CPEB3: variants seen among roughly 807,000 people sequenced by gnomAD.
The protein encoded by CPEB3 is cytoplasmic polyadenylation element binding protein 3.
CPEB3 carries 20 observed loss-of-function variants against 67.2 expected under a neutral mutation model. The observed-to-expected ratio is 0.30, with a 90% CI of 0.21 to 0.43. The LOEUF (loss-of-function observed/expected upper bound fraction) is 0.43. Ranked by LOEUF, CPEB3 falls within the 20% of genes least tolerant of loss-of-function variation. The pLI is 1.00. For missense variants in CPEB3, 746 were observed against 968.6 expected, an observed-to-expected ratio of 0.77 and a Z score of 3.05; for synonymous variants, 376 against 393.1, an observed-to-expected ratio of 0.96 and a Z score of 0.51.
At chr10:92,151,416 A>G (rs1846962791) in intron 4 of CPEB3, among the ~76,000 whole-genome samples, 1 of 152,168 alleles carries the variant, frequency 6.6e-6, no homozygotes, top group African/African-American at 2.4e-5. Flanking sequence ...ATACATACAT[A>G]TTCCCTAGAA....
At chr10:92,200,683 G>A (rs931261925) in intron 2 of CPEB3, among the ~76,000 whole-genome samples, 3 of 151,414 alleles carry the variant, frequency 2.0e-5, no homozygotes, top group African/African-American at 7.3e-5. Flanking sequence ...TGTGTAACAG[G>A]AAACCAAGCT....
At chr10:92,262,906 A>G (rs1283480420) in intron 1 of CPEB3, among the ~76,000 whole-genome samples, 1 of 151,564 alleles carries the variant, frequency 6.6e-6, no homozygotes, top group Non-Finnish European at 1.5e-5. Flanking sequence ...TGCAGTCTTG[A>G]CTCCAAGGCT....
intron 2 of CPEB3, among the ~76,000 whole-genome samples, chr10:92,221,458 A>G (rs1323225415): frequency 6.6e-6 from 1 of 152,162 alleles, no homozygotes; most frequent in Non-Finnish European, 1.5e-5. Context: ...ACGCCAGTGC[A>G]CTCCAGCCTG....
chr10:92,205,768 G>A (rs557192954), intron 2 of CPEB3, among the ~76,000 whole-genome samples: 41 of 151,936 alleles, frequency 2.7e-4, no homozygotes, highest in African/African-American at 7.7e-4. Context: ...GAGCCACTGC[G>A]CCCAGCCTAA....
chr10:92,283,528 T>C (rs11186894), intron 1 of CPEB3, among the ~76,000 whole-genome samples: 33,713 of 151,942 alleles, frequency 0.22, 4,701 homozygotes, highest in Middle Eastern at 0.34. Flanking sequence ...ACCTATGTTA[T>C]CTTTGCAGAG....
At chr10:92,236,514 G>A (rs139146219) in intron 2 of CPEB3, among the ~76,000 whole-genome samples, 2,212 of 152,286 alleles carry the variant, frequency 0.015, 56 homozygotes, top group African/African-American at 0.05. Context: ...TTGGGAGGCC[G>A]AGGCAGGTGG....
At chr10:92,104,379 CTTT>C (rs397845791) in intron 7 of CPEB3, among the ~76,000 whole-genome samples, 9,375 of 127,122 alleles carry the variant, frequency 0.074, 1,012 homozygotes, top group African/African-American at 0.26. Flanking sequence ...GGAAATGCAA[CTTT>C]TTTTTTTTTT....
At chr10:92,106,607 G>T (rs1306569848) in intron 7 of CPEB3, among the ~76,000 whole-genome samples, 1 of 151,868 alleles carries the variant, frequency 6.6e-6, no homozygotes, top group Non-Finnish European at 1.5e-5. Context: ...CTGAGGTGAG[G>T]AGTTCGAGAC....
chr10:92,275,845 C>CTTTTTT lies in CPEB3; in HGVS notation c.-12+15075_-12+15080dup, dbSNP rs909549413. On this transcript the variant is annotated intron_variant, in intron 1 of 9. Coordinates refer to ENST00000265997, the MANE Select transcript of CPEB3 (RefSeq NM_014912.5). Reference sequence around the variant, plus strand: ...GCATGTATCAGTACTTCATTCTTTTCTTTTTTTTTTTTTTTTTTTTTGAGA... The same window carrying CTTTTTT: ...GCATGTATCAGTACTTCATTCTTTTCTTTTTTTTTTTTTTTTTTTTTTTTTTTGAGA... Among the ~76,000 whole-genome samples the CTTTTTT allele has an allele frequency of 5.2e-3, 482 of 92,878 alleles. 1 individual carries two copies. Among genetic ancestry groups the CTTTTTT allele is most frequent in the Non-Finnish European group, 6.4e-3 (269 of 42,250 alleles). The allele number at this position is 92,878 out of a possible 152,430, so 60.9% of individuals were successfully genotyped here. A position where few individuals can be genotyped will look rare whatever the true frequency, so the allele number is the denominator to read the frequency against.
intron 5 of CPEB3, 114 bp from the exon 6 acceptor site, chr10:92,143,232 CTA>C: frequency 1.5e-6 from 1 of 680,634 alleles, no homozygotes; most frequent in Non-Finnish European, 2.4e-6. Context: ...GGGTTGTTTT[CTA>C]TAGCATCTTT....
chr10:92,127,483 CTG>C (rs1195284932), intron 6 of CPEB3, among the ~76,000 whole-genome samples: 4 of 152,062 alleles, frequency 2.6e-5, no homozygotes, highest in Admixed American at 2.6e-4. Flanking sequence ...CACGACCAGC[CTG>C]GGCAATATGG....
Position 92,251,798 on chromosome 10 carries a change from G to A in CPEB3, c.-11-11437C>T, listed in dbSNP as rs188160627. 2.8e-4 allele frequency among the ~76,000 whole-genome samples: 43 copies of A among 152,106 alleles called. 1 individual carries two copies. The highest frequency in any genetic ancestry group is 1.0e-3 in the African/African-American group (42 of 41,508). On this transcript the variant is annotated intron_variant, in intron 1 of 9. Coordinates refer to ENST00000265997, the MANE Select transcript of CPEB3 (RefSeq NM_014912.5). The stretch of plus-strand genomic sequence containing the variant: ...ACACCAACAGAAAGAAAAAAAGGTC[G>A]GATGTGGTGATGGGTGCCTGTAATC...
In CPEB3 at chr10:92,052,105, G is replaced by A. The variant is rs186236139; in HGVS notation, c.*107C>T. ...AAGACCCAATTCTTCTTTAAAAATC[G>A]AGAACGAATGCACAGATTTCCAGAA... On this transcript the variant is annotated 3_prime_UTR_variant, in exon 10 of 10. Coordinates refer to ENST00000265997, the MANE Select transcript of CPEB3 (RefSeq NM_014912.5). 4 of 661,070 alleles carry A rather than the reference G, an allele frequency of 6.1e-6. No individual in the cohort carries two copies. The highest frequency in any genetic ancestry group is 2.0e-5 in the South Asian group (1 of 50,160). 41.0% of individuals were successfully genotyped at this position (661,070 alleles called of 1,614,324 possible).
At chr10:92,280,750 ATTCTTTTTT>A (rs1842252475) in intron 1 of CPEB3, among the ~76,000 whole-genome samples, 1 of 123,900 alleles carries the variant, frequency 8.1e-6, no homozygotes, top group Non-Finnish European at 1.6e-5. Flanking sequence ...GTGAGCATCT[ATTCTTTTTT>A]TTTTTTTTTT....
chr10:92,197,828 G>A (rs971384255), intron 2 of CPEB3, among the ~76,000 whole-genome samples: 2 of 152,144 alleles, frequency 1.3e-5, no homozygotes, highest in African/African-American at 2.4e-5. Flanking sequence ...TAAACAAGTC[G>A]CTGGGCGCAG....
chr10:92,144,105 T>G (rs1163795185), intron 5 of CPEB3, among the ~76,000 whole-genome samples: 1 of 152,000 alleles, frequency 6.6e-6, no homozygotes, highest in Non-Finnish European at 1.5e-5. Context: ...TTTCAACAAA[T>G]ATTTATTGAC....
intron 7 of CPEB3, among the ~76,000 whole-genome samples, chr10:92,094,924 G>A (rs1276217374): frequency 1.3e-5 from 2 of 151,892 alleles, no homozygotes; most frequent in Admixed American, 6.6e-5. Context: ...GACCTGGTAA[G>A]GTAATTCCAA....
intron 3 of CPEB3, among the ~76,000 whole-genome samples, chr10:92,186,734 C>A (rs1327083370): frequency 2.0e-5 from 3 of 152,076 alleles, no homozygotes; most frequent in Non-Finnish European, 4.4e-5. Context: ...CATGCCTGGC[C>A]GCTAAAAACT....
chr10:92,233,968 A>T (rs994067581), intron 2 of CPEB3, among the ~76,000 whole-genome samples: 11 of 152,050 alleles, frequency 7.2e-5, no homozygotes, highest in African/African-American at 2.2e-4. Flanking sequence ...TCAGCCAGGC[A>T]TGGTGGCACG....
Sources: allele counts gnomAD v4.1 joint callset (sites outside exome capture counted in the v4.1 genomes callset), GRCh38; gene constraint gnomAD v4.1.1; transcripts MANE v1.5; gene names NCBI Gene and HGNC (gene_info 2026-07-23, HGNC 2026-07-21).